Variants in RTL4 observed in about 807,000 individuals in gnomAD.
RTL4 encodes retrotransposon Gag-like protein 4.
A neutral mutation model predicts 5.3 loss-of-function variants in RTL4; 4 were observed. The ratio of observed to expected loss-of-function variants is 0.75; its 90% CI spans 0.37 to 1.72. The LOEUF is 1.72. Among genes scored for constraint, RTL4 ranks in the 40% most tolerant of loss-of-function variants. RTL4 has a pLI of 0.04. For missense variants in RTL4, 260 were observed against 227.1 expected (o/e 1.14, Z -0.93); for synonymous variants, 98 against 87.3 (o/e 1.12, Z -0.68).
chrX:112,128,456 C>G, the RTL4 span, among the ~76,000 whole-genome samples: 2 of 110,257 alleles, frequency 1.8e-5, no homozygotes, highest in African/African-American at 6.6e-5. Context: ...CTGAGGAGTT[C>G]GAGACCAGCC....
chrX:112,392,275 C>T, the RTL4 span, among the ~76,000 whole-genome samples: 12 of 111,418 alleles, frequency 1.1e-4, no homozygotes, highest in Non-Finnish European at 2.3e-4. Context: ...GGAGAACCTG[C>T]ACGGTGAGGA....
the RTL4 span, among the ~76,000 whole-genome samples, chrX:112,107,786 T>A: frequency 9.0e-6 from 1 of 111,668 alleles, no homozygotes; most frequent in Non-Finnish European, 1.9e-5. Context: ...TGTCCTGAGG[T>A]CGTCTTTTTT....
the RTL4 span, among the ~76,000 whole-genome samples, chrX:112,275,520 T>C: frequency 8.9e-6 from 1 of 112,281 alleles, no homozygotes; most frequent in Non-Finnish European, 1.9e-5. Context: ...TTTCTAACTA[T>C]GTAACCTTAT....
the RTL4 span, among the ~76,000 whole-genome samples, chrX:112,430,302 C>A: frequency 3.6e-5 from 4 of 110,202 alleles, no homozygotes; most frequent in East Asian, 2.9e-4. Flanking sequence ...TTTTTAAGCT[C>A]ATAGATTCCA....
At chrX:112,339,296 T>C in the RTL4 span, among the ~76,000 whole-genome samples, 1 of 112,003 alleles carries the variant, frequency 8.9e-6, no homozygotes, top group South Asian at 3.8e-4. Flanking sequence ...AGTACACTTC[T>C]GAGAGTGAAA....
At chrX:112,240,547 T>G in the RTL4 span, among the ~76,000 whole-genome samples, 2 of 112,082 alleles carry the variant, frequency 1.8e-5, no homozygotes, top group African/African-American at 6.5e-5. Context: ...TGTGATATAT[T>G]GAATACTGTA....
chrX:112,236,470 TATATAGATATAG>T, the RTL4 span, among the ~76,000 whole-genome samples: 1 of 77,571 alleles, frequency 1.3e-5, no homozygotes, highest in Non-Finnish European at 2.3e-5. Context: ...TCTATATCTA[TATATAGATATAG>T]ATCTATATCT....
At chrX:112,443,689 G>C in the RTL4 span, among the ~76,000 whole-genome samples, 1 of 111,932 alleles carries the variant, frequency 8.9e-6, no homozygotes. Flanking sequence ...GATGATCAAT[G>C]ATGTTGAGCA....
chrX:112,367,407 G>T, the RTL4 span, among the ~76,000 whole-genome samples: 1 of 111,303 alleles, frequency 9.0e-6, no homozygotes, highest in Non-Finnish European at 1.9e-5. Context: ...GTTCCTAAAG[G>T]CATTATTGCA....
the RTL4 span, among the ~76,000 whole-genome samples, chrX:112,176,088 G>A: frequency 9.0e-6 from 1 of 110,667 alleles, no homozygotes; most frequent in Non-Finnish European, 1.9e-5. Context: ...ACCAATAACA[G>A]ACAAACAGAG....
chrX:112,311,361 T>C, the RTL4 span, among the ~76,000 whole-genome samples: 12 of 111,085 alleles, frequency 1.1e-4, no homozygotes, highest in African/African-American at 3.6e-4. Flanking sequence ...TTATAGGATG[T>C]TGGCTGTACT....
the RTL4 span, among the ~76,000 whole-genome samples, chrX:112,191,138 C>T: frequency 8.9e-6 from 1 of 112,094 alleles, no homozygotes; most frequent in Non-Finnish European, 1.9e-5. Flanking sequence ...CAAGCATGGC[C>T]TTCATGCTTA....
chrX:112,445,176 C>T, the RTL4 span, among the ~76,000 whole-genome samples: 7 of 68,922 alleles, frequency 1.0e-4, no homozygotes, highest in Admixed American at 2.7e-4. Flanking sequence ...TCACCTGTGA[C>T]GGGTGTGAAG....
the RTL4 span, among the ~76,000 whole-genome samples, chrX:112,360,807 G>A: frequency 5.4e-5 from 6 of 110,583 alleles, no homozygotes; most frequent in Non-Finnish European, 1.1e-4. Context: ...AAATGGAGAA[G>A]CAGCATTTCA....
chrX:112,183,766 A>G, the RTL4 span, among the ~76,000 whole-genome samples: 1 of 111,925 alleles, frequency 8.9e-6, no homozygotes, highest in Non-Finnish European at 1.9e-5. Context: ...ATACCCATGT[A>G]ACAAACCTGC....
At chrX:112,454,907 A>T in exon 1 of RTL4, 1 of 1,210,479 alleles carries the variant, frequency 8.3e-7, no homozygotes, top group Non-Finnish European at 1.1e-6. Context: ...TCACTTGAGC[A>T]TCTCACCCAG....
chrX:112,124,167 A>G, the RTL4 span, among the ~76,000 whole-genome samples: 1 of 112,030 alleles, frequency 8.9e-6, no homozygotes, highest in African/African-American at 3.2e-5. Context: ...AAGTCAAGAA[A>G]CAATAGATGC....
chrX:112,130,887 G>A, the RTL4 span, among the ~76,000 whole-genome samples: 25 of 103,739 alleles, frequency 2.4e-4, 1 homozygote, highest in East Asian at 7.8e-3. Context: ...TCCTCCTCCC[G>A]GGTTCATGCC....
the RTL4 span, among the ~76,000 whole-genome samples, chrX:112,415,242 T>G: frequency 1.8e-5 from 2 of 111,602 alleles, no homozygotes; most frequent in Non-Finnish European, 3.8e-5. Context: ...CCATCAGGAC[T>G]TCTAATAGTA....
Sources: gnomAD v4.1 joint callset for allele counts (sites outside exome capture counted in the v4.1 genomes callset) on GRCh38, gnomAD v4.1.1 for gene constraint, MANE v1.5 for transcripts, NCBI Gene and HGNC (gene_info 2026-07-23, HGNC 2026-07-21) for gene names.